Variants in ZNF654 observed in about 807,000 individuals in gnomAD.
The protein encoded by ZNF654 is zinc finger protein 654.
In ZNF654, 19 loss-of-function variants were observed where a neutral mutation model predicts 95.3. The ratio of observed to expected loss-of-function variants is 0.20; its 90% CI spans 0.14 to 0.29. ZNF654 has a LOEUF of 0.29. Ranked by LOEUF, ZNF654 falls within the 10% of genes least tolerant of loss-of-function variation. ZNF654 has a pLI of 1.00. For missense variants in ZNF654, 1,046 were observed against 1,341.0 expected, an observed-to-expected ratio of 0.78 and a Z score of 3.44; for synonymous variants, 413 against 457.9, an observed-to-expected ratio of 0.90 and a Z score of 1.25.
intron 2 of ZNF654, among the ~76,000 whole-genome samples, chr3:88,098,091 A>G (rs1704174751): frequency 6.6e-6 from 1 of 152,166 alleles, no homozygotes; most frequent in South Asian, 2.1e-4. Flanking sequence ...TAGCAAGACT[A>G]ATAAAGAAGA....
chr3:88,065,556 G>GA (rs1707149045), intron 1 of ZNF654, among the ~76,000 whole-genome samples: 1 of 152,018 alleles, frequency 6.6e-6, no homozygotes, highest in Non-Finnish European at 1.5e-5. Flanking sequence ...TAAAAAGACT[G>GA]AAATATACCA....
intron 2 of ZNF654, among the ~76,000 whole-genome samples, chr3:88,091,492 C>G (rs962844393): frequency 6.6e-6 from 1 of 151,996 alleles, no homozygotes; most frequent in African/African-American, 2.4e-5. Context: ...TCTTTGTTAA[C>G]TTTAGTGTTA....
At chr3:88,132,152 G>T (rs930935627) in intron 6 of ZNF654, among the ~76,000 whole-genome samples, 9 of 152,114 alleles carry the variant, frequency 5.9e-5, no homozygotes, top group African/African-American at 2.2e-4. Flanking sequence ...CATTCAGCTA[G>T]TAAGTAGTGA....
chr3:88,063,552 C>T (rs1707010293), intron 1 of ZNF654, among the ~76,000 whole-genome samples: 1 of 152,072 alleles, frequency 6.6e-6, no homozygotes, highest in African/African-American at 2.4e-5. Flanking sequence ...TATTATAGCT[C>T]TATGAATAGT....
At chr3:88,086,140 C>T in intron 1 of ZNF654, 117 bp from the exon 2 acceptor site, 1 of 811,318 alleles carries the variant, frequency 1.2e-6, no homozygotes, top group Non-Finnish European at 1.9e-6. Context: ...TCCCTCCAGT[C>T]ACCTGTGTTC....
Position 88,139,987 on chromosome 3 carries a change from C to T in ZNF654, c.2318C>T (p.Thr773Ile), listed in dbSNP as rs1350276550. 5 of 1,613,734 alleles carry T rather than the reference C, an allele frequency of 3.1e-6. No homozygotes were observed. The highest frequency in any genetic ancestry group is 4.2e-6 in the Non-Finnish European group (5 of 1,179,802). The change falls in exon 8 of 9, where the codon ACC becomes ATC. Residue 773 changes from threonine to isoleucine, a missense_variant. Around this residue, in one of 9 missense-constraint regions of ZNF654, gnomAD observed 495 missense variants for 537.0 expected, o/e 0.92. Transcript: ENST00000636215. ...AAACATGCAATGACCGTACATCCAA[C>T]CGATTTAAATGTGCGACAAACAGTA... ...LNKHAMTVHP[T>I]DLNVRQTVMK...
chr3:88,079,486 G>A (rs531889426), intron 1 of ZNF654, among the ~76,000 whole-genome samples: 11 of 152,108 alleles, frequency 7.2e-5, no homozygotes, highest in Admixed American at 5.9e-4. Flanking sequence ...ATAGATGGAT[G>A]TCACATCTAT....
Position 88,142,278 on chromosome 3 carries a change from GA to G in ZNF654, c.*630del, listed in dbSNP as rs1417957919. On this transcript the variant is annotated 3_prime_UTR_variant, in exon 9 of 9. Transcript: ENST00000636215. ...GTTCAATGAATGGCACGCCAGCATT[GA>G]AAATTAAAAAACAAAACAAAAAAAA... is the stretch of plus-strand genomic sequence containing the variant. 12 of 111,372 alleles carry G rather than the reference GA, an allele frequency of 1.1e-4. No homozygotes were observed. The Admixed American group carries it at 1.3e-3, about 12-fold the overall frequency. 6.9% of individuals were successfully genotyped at this position (111,372 alleles called of 1,614,324 possible).
chr3:88,094,709 A>G (rs1168150505), intron 2 of ZNF654, among the ~76,000 whole-genome samples: 1 of 152,092 alleles, frequency 6.6e-6, no homozygotes, highest in Admixed American at 6.6e-5. Context: ...GAATGGTGTA[A>G]GTACATTTGA....
chr3:88,127,789 A>T (rs1338516161), intron 4 of ZNF654, among the ~76,000 whole-genome samples: 1 of 152,172 alleles, frequency 6.6e-6, no homozygotes, highest in African/African-American at 2.4e-5. Context: ...AGCATACCTC[A>T]CACTTTGGGA....
chr3:88,081,154 A>G (rs1187019408), intron 1 of ZNF654, among the ~76,000 whole-genome samples: 2 of 152,166 alleles, frequency 1.3e-5, no homozygotes, highest in Non-Finnish European at 2.9e-5. Context: ...ATGGGAATCA[A>G]TCTATGCATT....
At chr3:88,129,873 G>A in intron 6 of ZNF654, 47 bp downstream of exon 6, 1 of 1,336,522 alleles carries the variant, frequency 7.5e-7, no homozygotes, top group Non-Finnish European at 9.7e-7. Context: ...ATGGGCAACA[G>A]AAAGGAAATT....
At chr3:88,129,634 A>G (rs1357986471) in intron 5 of ZNF654, 53 bp from the exon 6 acceptor site, 1 of 1,289,842 alleles carries the variant, frequency 7.8e-7, no homozygotes, top group East Asian at 2.6e-5. Flanking sequence ...TATTGCAACT[A>G]GCTTCTTAGA....
At chr3:88,118,863 A>G (rs1345065395) in intron 3 of ZNF654, among the ~76,000 whole-genome samples, 1 of 151,858 alleles carries the variant, frequency 6.6e-6, no homozygotes, top group Non-Finnish European at 1.5e-5. Context: ...TAGAATGGCA[A>G]TCATTAAAAA....
intron 2 of ZNF654, among the ~76,000 whole-genome samples, chr3:88,087,354 C>A (rs532964009): frequency 6.6e-6 from 1 of 152,146 alleles, no homozygotes; most frequent in South Asian, 2.1e-4. Context: ...GGATTACAGG[C>A]GTGAGCTACC....
At chr3:88,112,310 GTT>G (rs1049157102) in intron 2 of ZNF654, among the ~76,000 whole-genome samples, 2 of 151,576 alleles carry the variant, frequency 1.3e-5, no homozygotes, top group African/African-American at 4.8e-5. Context: ...ACTTTAGGTA[GTT>G]ACACTTGAGG....
intron 4 of ZNF654, among the ~76,000 whole-genome samples, chr3:88,128,261 T>C (rs560875020): frequency 3.4e-4 from 52 of 152,258 alleles, no homozygotes; most frequent in Non-Finnish European, 7.1e-4. Context: ...TAAATGTATA[T>C]TAATAAGCAG....
At chr3:88,122,949 G>T (rs1705862553) in intron 3 of ZNF654, among the ~76,000 whole-genome samples, 1 of 151,066 alleles carries the variant, frequency 6.6e-6, no homozygotes, top group Non-Finnish European at 1.5e-5. Context: ...GGCCGAGGTT[G>T]CAGTGAGCCA....
At chr3:88,123,323 G>A (rs925327988) in intron 3 of ZNF654, among the ~76,000 whole-genome samples, 9 of 152,016 alleles carry the variant, frequency 5.9e-5, no homozygotes, top group African/African-American at 2.2e-4. Context: ...TTTGACCCAC[G>A]AAGTGTACAT....
Sources: allele counts gnomAD v4.1 joint callset (sites outside exome capture counted in the v4.1 genomes callset), GRCh38; gene constraint gnomAD v4.1.1; regional missense constraint gnomAD v4.1.1; transcripts MANE v1.5; gene names NCBI Gene and HGNC (gene_info 2026-07-23, HGNC 2026-07-21).